Variants in ATG2A observed in about 807,000 individuals in gnomAD.
ATG2A encodes autophagy-related protein 2 homolog A.
In ATG2A, 103 loss-of-function variants were observed where a neutral mutation model predicts 214.2. The ratio of observed to expected loss-of-function variants is 0.48; its 90% confidence interval spans 0.41 to 0.57. The LOEUF (loss-of-function observed/expected upper bound fraction) is 0.57. Among genes scored for constraint, ATG2A ranks in the 20% least tolerant of loss-of-function variants. The pLI, the probability that ATG2A is intolerant of heterozygous loss-of-function variation, is 0.00. For synonymous variants in ATG2A, 1,160 were observed against 1,142.1 expected (o/e 1.02, Z -0.32); for missense variants, 2,312 against 2,613.2 (o/e 0.88, Z 2.51).
chr11:64,896,624 G>A lies in ATG2A; in HGVS notation c.5273-8C>T, dbSNP rs199850488. On this transcript the variant is annotated splice_polypyrimidine_tract_variant and splice_region_variant and intron_variant, in intron 38 of 40. Transcript: ENST00000377264. ...GGTCCCGGAACCCTTGGACTAGGGG[G>A]AAGGAGCGCTCAGAGACACCCGAGG... The A allele has an allele frequency of 2.0e-3, 3,205 of 1,612,398 alleles. 12 individuals are homozygous for A. The highest frequency in any genetic ancestry group is 6.1e-3 in the Admixed American group (364 of 59,992).
Position 64,906,544 on chromosome 11 carries a change from G to C in ATG2A, c.2984-11C>G, listed in dbSNP as rs1260723399. On this transcript the variant is annotated splice_polypyrimidine_tract_variant and intron_variant, in intron 20 of 40. Transcript: ENST00000377264. ...AGTCATCCACGGCCGCTGGGGAGGG[G>C]TCTCATGAGCCCCCTGCCAAGCCAA... 3.7e-6 allele frequency: 6 copies of C among 1,611,944 alleles called. No homozygotes were observed. The highest frequency in any genetic ancestry group is 4.2e-6 in the Non-Finnish European group (5 of 1,179,338).
At chr11:64,916,685 CT>C (rs1320573283) in intron 1 of ATG2A, among the ~76,000 whole-genome samples, 1 of 152,158 alleles carries the variant, frequency 6.6e-6, no homozygotes, top group African/African-American at 2.4e-5. Context: ...AGCCCCCAAA[CT>C]CGACGAGTTT....
In ATG2A at chr11:64,909,097, G is replaced by T. The variant is rs755131312; in HGVS notation, c.2258C>A (p.Pro753Gln). 6.2e-7 allele frequency: 1 copy of T among 1,612,902 alleles called. No individual in the cohort carries two copies. The highest frequency in any genetic ancestry group is 1.1e-5 in the South Asian group (1 of 91,030). The change falls in exon 16 of 41, where the codon CCG (proline) becomes CAG (glutamine). Residue 753 changes from proline to glutamine, a missense_variant. Physicochemically the swap from Pro to Gln is moderately conservative, Grantham distance 76. Transcript: ENST00000377264. ...QSSSTQWEVAPEKGEELELSV... is the reference protein window; with the variant it reads ...QSSSTQWEVAQEKGEELELSV... ...CAGCTCCAGTTCCTCTCCCTTCTCCGGGGCCACCTCCCACTGTGTGCTGCT... is the reference window on the plus strand; with the variant it reads ...CAGCTCCAGTTCCTCTCCCTTCTCCTGGGCCACCTCCCACTGTGTGCTGCT...
At position 64,903,549 on chromosome 11, in the gene ATG2A, GT is replaced by G. The variant is rs1259341400; in HGVS notation, c.3535+40del. Reference sequence around the variant, plus strand: ...TGCTCTGGGTGTGGCCGGGGCGGTGGTCCCTCAGAGGGGAGGGAGCCCAGTC... The same window carrying G: ...TGCTCTGGGTGTGGCCGGGGCGGTGGCCCTCAGAGGGGAGGGAGCCCAGTC... On this transcript the variant is annotated intron_variant, in intron 25 of 40. Transcript: ENST00000377264. The surrounding 1 kb of genome is among the most constrained non-coding windows in gnomAD (Gnocchi z 4.2). 1 of 1,522,306 alleles carries G rather than the reference GT, an allele frequency of 6.6e-7. No individual in the cohort carries two copies. Among genetic ancestry groups the G allele is most frequent in the Non-Finnish European group, 8.9e-7 (1 of 1,128,580 alleles). The allele number at this position is 1,522,306 out of a possible 1,614,324, so 94.3% of individuals were successfully genotyped here.
At chr11:64,896,125 AC>A (rs1216994920) in intron 39 of ATG2A, among the ~76,000 whole-genome samples, 2 of 152,210 alleles carry the variant, frequency 1.3e-5, no homozygotes, top group African/African-American at 4.8e-5. Context: ...GCCTGAATGA[AC>A]CAGGGCAGCC....
intron 31 of ATG2A, among the ~76,000 whole-genome samples, chr11:64,899,300 C>A (rs1944269916): frequency 6.6e-6 from 1 of 152,158 alleles, no homozygotes; most frequent in African/African-American, 2.4e-5. Flanking sequence ...CTGGTCTCTG[C>A]CCCTCAAGGA....
In ATG2A at chr11:64,895,997, C is replaced by T. The variant is rs1944135689; in HGVS notation, c.5427+465G>A. Among the ~76,000 whole-genome samples the T allele has an allele frequency of 6.6e-6, 1 of 152,214 alleles. No individual in the cohort carries two copies. The highest frequency in any genetic ancestry group is 6.5e-5 in the Admixed American group (1 of 15,288). ...GCAGGTTCCAGAATGCACCATGCACCTGCACTCACCCCTTAGCCGCCTAGG... is the reference window on the plus strand; with the variant it reads ...GCAGGTTCCAGAATGCACCATGCACTTGCACTCACCCCTTAGCCGCCTAGG... On this transcript the variant is annotated intron_variant, in intron 39 of 40. Transcript: ENST00000377264. This position sits in a 1 kb window ranked among gnomAD's most constrained non-coding sequence, Gnocchi z 5.0.
At chr11:64,899,741 C>G (rs1248652086) in intron 31 of ATG2A, among the ~76,000 whole-genome samples, 1 of 152,132 alleles carries the variant, frequency 6.6e-6, no homozygotes, top group African/African-American at 2.4e-5. Context: ...CCACAGAGGC[C>G]TCTCCTCAAA....
At position 64,895,081 on chromosome 11, in the gene ATG2A, C is replaced by T. The variant is rs1014249712; in HGVS notation, c.5709G>A (p.Leu1903=). The change falls in exon 41 of 41, where the codon CTG becomes CTA. Residue 1903 remains leucine, a synonymous_variant. Coordinates refer to ENST00000377264, the MANE Select transcript of ATG2A (RefSeq NM_015104.3). This position sits in a 1 kb window ranked among gnomAD's most constrained non-coding sequence, Gnocchi z 5.0. The part of the protein sequence containing the change: ...LPPTVVKPLI[L]ATEATSSLLG... ...GCAGGCTGGACGTGGCCTCCGTGGCCAGGATGAGCGGCTTCACCACAGTCG... is the reference window on the plus strand; with the variant it reads ...GCAGGCTGGACGTGGCCTCCGTGGCTAGGATGAGCGGCTTCACCACAGTCG... The T allele has an allele frequency of 2.5e-6, 4 of 1,612,868 alleles. No homozygotes were observed. Among genetic ancestry groups the T allele is most frequent in the Non-Finnish European group, 3.4e-6 (4 of 1,179,776 alleles).
At chr11:64,912,775 T>G in intron 6 of ATG2A, 1 of 458,236 alleles carries the variant, frequency 2.2e-6, no homozygotes, top group Non-Finnish European at 3.9e-6. Context: ...GTATTTTTAG[T>G]AGAGACGGGG....
chr11:64,903,064 G>A lies in ATG2A; in HGVS notation c.3612+224C>T, dbSNP rs1944416226. The stretch of plus-strand genomic sequence containing the variant: ...GGTGCCCTGGCTGCCGCGTCCTCTG[G>A]TGGCAGGGCTGAAACCCATTCATTC... On this transcript the variant is annotated intron_variant, in intron 26 of 40. Coordinates refer to ENST00000377264, the MANE Select transcript of ATG2A (RefSeq NM_015104.3). The surrounding 1 kb of genome is among the most constrained non-coding windows in gnomAD (Gnocchi z 4.2). Among the ~76,000 whole-genome samples the A allele has an allele frequency of 6.6e-6, 1 of 152,168 alleles. No individual in the cohort carries two copies. Among genetic ancestry groups the A allele is most frequent in the Non-Finnish European group, 1.5e-5 (1 of 68,010 alleles).
At chr11:64,897,006 G>T in intron 37 of ATG2A, 137 bp from the exon 38 acceptor site, 1 of 1,198,270 alleles carries the variant, frequency 8.3e-7, no homozygotes, top group Non-Finnish European at 1.1e-6. Context: ...ACCCAGTCAT[G>T]TGCAGAGGGA....
chr11:64,903,470 G>T lies in ATG2A; in HGVS notation c.3536-106C>A, dbSNP rs757184236. 130 of 1,498,724 alleles carry T rather than the reference G, an allele frequency of 8.7e-5. No individual in the cohort carries two copies. The highest frequency in any genetic ancestry group is 1.1e-4 in the Non-Finnish European group (122 of 1,096,110). The allele number at this position is 1,498,724 out of a possible 1,614,324, so 92.8% of individuals were successfully genotyped here. Reference sequence around the variant, plus strand: ...GATCCAGGTGTAGTCCCTGCTGTGCGGGCTACGTGTGGGAGCTAAGGACCC... The same window carrying T: ...GATCCAGGTGTAGTCCCTGCTGTGCTGGCTACGTGTGGGAGCTAAGGACCC... On this transcript the variant is annotated intron_variant, in intron 25 of 40. Transcript: ENST00000377264. The surrounding 1 kb of genome is among the most constrained non-coding windows in gnomAD (Gnocchi z 4.2).
Position 64,917,092 on chromosome 11 carries a change from C to A in ATG2A, c.44G>T (p.Arg15Leu). ...GTGGTGCAGCAAGTAGCGGCAGACC[C>A]GCTCTTTCACACAGTTTGACCATGG... ...LWPWSNCVKE[R>L]VCRYLLHHYL... Residue 15 changes from arginine to leucine, a missense_variant, in exon 1 of 41, where the codon CGG becomes CTG. Arg to Leu is a moderately radical substitution (Grantham distance 102, BLOSUM62 -2). Coordinates refer to ENST00000377264, the MANE Select transcript of ATG2A (RefSeq NM_015104.3). The A allele has an allele frequency of 6.2e-7, 1 of 1,613,256 alleles. No individual in the cohort carries two copies. Among genetic ancestry groups the A allele is most frequent in the East Asian group, 2.2e-5 (1 of 44,844 alleles).
rs991161370 is a variant in ATG2A, at chr11:64,913,749, C to T, written c.590+72G>A. ...TGCCTCTTCCCAGGAACCTAGGCTG[C>T]GGGTGGGGACCATCCAGCAGCCCCC... On this transcript the variant is annotated intron_variant, in intron 4 of 40. Transcript: ENST00000377264. The surrounding 1 kb of genome is among the most constrained non-coding windows in gnomAD (Gnocchi z 4.3). 86 of 1,434,236 alleles carry T rather than the reference C, an allele frequency of 6.0e-5. No individual in the cohort carries two copies. Among genetic ancestry groups the T allele is most frequent in the Non-Finnish European group, 6.9e-5 (71 of 1,032,606 alleles). 88.8% of individuals were successfully genotyped at this position (1,434,236 alleles called of 1,614,324 possible).
rs1944367100 is a variant in ATG2A at position 64,902,018 on chromosome 11, C to T, written c.4063G>A (p.Asp1355Asn). The T allele has an allele frequency of 6.2e-7, 1 of 1,613,984 alleles. No homozygotes were observed. The highest frequency in any genetic ancestry group is 1.6e-4 in the Middle Eastern group (1 of 6,062). ...EDEREEEGDG[D>N]TLDSDEFCIL... Reference sequence around the variant, plus strand: ...CAGAACTCATCACTGTCCAGGGTGTCTCCATCGCCCTCCTCTTCCCTTTCA... The same window carrying T: ...CAGAACTCATCACTGTCCAGGGTGTTTCCATCGCCCTCCTCTTCCCTTTCA... Residue 1355 changes from aspartate (D) to asparagine (N), a missense_variant, in exon 29 of 41, where the codon GAC (aspartate) becomes AAC (asparagine). Physicochemically the swap from Asp to Asn is conservative, Grantham distance 23. Coordinates refer to ENST00000377264, the MANE Select transcript of ATG2A (RefSeq NM_015104.3).
At position 64,907,650 on chromosome 11, in the gene ATG2A, A is replaced by G; in HGVS notation, c.2522T>C (p.Leu841Pro). ...CAGATCTGCAGGCTCCCACATGAGC[A>G]GGTCGTTGTTGATCCTGAGATAGGC... The part of the protein sequence containing the change: ...ESIYNRINND[L>P]LMWEPADLLP... Residue 841 changes from leucine to proline, a missense_variant, in exon 18 of 41, where the codon CTG (leucine) becomes CCG (proline). Physicochemically the swap from Leu to Pro is moderately conservative, Grantham distance 98. Transcript: ENST00000377264. 4 of 1,599,666 alleles carry G rather than the reference A, an allele frequency of 2.5e-6. No homozygotes were observed. The highest frequency in any genetic ancestry group is 3.4e-6 in the Non-Finnish European group (4 of 1,172,750).
At chr11:64,914,578 G>A (rs1482108614) in intron 1 of ATG2A, 78 bp from the exon 2 acceptor site, 10 of 1,527,906 alleles carry the variant, frequency 6.5e-6, no homozygotes, top group Non-Finnish European at 8.8e-6. Context: ...TCTGGCCATA[G>A]TGCCTTGGAG....
rs1446332826 is a variant in ATG2A, at chr11:64,910,652, A to G, written c.1671T>C (p.His557=). ...GSQASARPCA[H]LRHTQILRRV... ...GGCGCAGGATCTGTGTGTGGCGCAG[A>G]TGGGCGCAGGGCCGAGCTGAGGCCT... is the stretch of plus-strand genomic sequence containing the variant. Residue 557 remains histidine, a synonymous_variant, in exon 12 of 41, where the codon CAT becomes CAC. Coordinates refer to ENST00000377264, the MANE Select transcript of ATG2A (RefSeq NM_015104.3). 6.2e-7 allele frequency: 1 copy of G among 1,609,238 alleles called. No individual in the cohort carries two copies. Among genetic ancestry groups the G allele is most frequent in the South Asian group, 1.1e-5 (1 of 90,212 alleles).
Sources: gnomAD v4.1 joint callset for allele counts (sites outside exome capture counted in the v4.1 genomes callset) on GRCh38, gnomAD v4.1.1 for gene constraint, Gnocchi (gnomAD v3.1) non-coding constraint, MANE v1.5 for transcripts, NCBI Gene and HGNC (gene_info 2026-07-23, HGNC 2026-07-21) for gene names.